JAK2: variants seen among roughly 807,000 people sequenced by gnomAD.
JAK2 encodes the protein tyrosine-protein kinase JAK2.
In JAK2, 86 loss-of-function variants were observed where a neutral mutation model predicts 139.3. The observed-to-expected ratio is 0.62, with a 90% CI of 0.52 to 0.74. The LOEUF (loss-of-function observed/expected upper bound fraction) is 0.74. JAK2 is among the 30% of genes least tolerant of loss of function. The pLI, the probability that JAK2 is intolerant of heterozygous loss-of-function variation, is 0.00. For missense variants in JAK2, 1,421 were observed against 1,360.3 expected, an observed-to-expected ratio of 1.04 and a Z score of -0.70; for synonymous variants, 490 against 437.7, an observed-to-expected ratio of 1.12 and a Z score of -1.49.
chr9:5,005,086 T>C (rs1272732370), intron 2 of JAK2, among the ~76,000 whole-genome samples: 1 of 13,004 alleles, frequency 7.7e-5, no homozygotes, highest in African/African-American at 4.0e-4. Context: ...CTGGCTAATT[T>C]TTTTTTTTTT....
At chr9:5,042,373 A>G (rs575039598) in intron 4 of JAK2, among the ~76,000 whole-genome samples, 302 of 150,852 alleles carry the variant, frequency 2.0e-3, no homozygotes, top group Non-Finnish European at 2.8e-3. Context: ...TCCTGACCTC[A>G]TGATCCACCC....
intron 22 of JAK2, chr9:5,111,907 G>C (rs916995456): frequency 2.8e-6 from 1 of 353,444 alleles, no homozygotes; most frequent in Admixed American, 3.6e-5. Context: ...CCTCGGGAAG[G>C]CCTGGCCTCA....
rs2130589653 is a variant in JAK2 at position 5,078,309 on chromosome 9, G to A, written c.1996G>A (p.Glu666Lys). The change falls in exon 16 of 25, where the codon GAA (glutamate) becomes AAA (lysine). Residue 666 changes from glutamate (E) to lysine (K), a missense_variant. Transcript: ENST00000381652. ...TATGTGCGTTTAACTCTAATAGGAA[G>A]AAAACACCCTTATTCATGGGAATGT... ...QLAWAMHFLE[E>K]NTLIHGNVCA... 1.2e-6 allele frequency: 2 copies of A among 1,611,116 alleles called. No individual in the cohort carries two copies. The highest frequency in any genetic ancestry group is 8.5e-7 in the Non-Finnish European group (1 of 1,178,050).
At chr9:5,050,654 A>G in intron 5 of JAK2, 32 bp from the exon 6 acceptor site, 1 of 1,590,460 alleles carries the variant, frequency 6.3e-7, no homozygotes, top group Non-Finnish European at 8.6e-7. Context: ...GAAACTTACG[A>G]TGAGATATTT....
chr9:5,004,624 T>C (rs1475119580), intron 2 of JAK2, among the ~76,000 whole-genome samples: 2 of 152,316 alleles, frequency 1.3e-5, no homozygotes, highest in South Asian at 4.1e-4. Flanking sequence ...CTTTGACATA[T>C]TATTTTTAGT....
chr9:5,043,130 C>T (rs1303018661), intron 4 of JAK2, among the ~76,000 whole-genome samples: 1 of 152,202 alleles, frequency 6.6e-6, no homozygotes, highest in East Asian at 1.9e-4. Flanking sequence ...GACCCAGCCC[C>T]GCAGGTGTAT....
intron 22 of JAK2, among the ~76,000 whole-genome samples, chr9:5,101,627 G>A (rs1333649460): frequency 6.6e-6 from 1 of 152,206 alleles, no homozygotes; most frequent in Non-Finnish European, 1.5e-5. Flanking sequence ...TCCCAGTAGA[G>A]GCCAACTGAC....
intron 22 of JAK2, among the ~76,000 whole-genome samples, chr9:5,119,435 A>C (rs1471594442): frequency 2.0e-5 from 3 of 152,174 alleles, no homozygotes; most frequent in Non-Finnish European, 2.9e-5. Context: ...AGCCTAAAAA[A>C]AAAAGGCTTC....
At chr9:5,044,301 A>G in intron 4 of JAK2, 102 bp from the exon 5 acceptor site, 1 of 721,714 alleles carries the variant, frequency 1.4e-6, no homozygotes, top group Admixed American at 2.4e-5. Context: ...TTTTCTAAGT[A>G]TGGGATAATA....
chr9:5,080,189 G>A, intron 16 of JAK2, 40 bp from the exon 17 acceptor site: 1 of 1,452,442 alleles, frequency 6.9e-7, no homozygotes. Context: ...TGGTTTACTT[G>A]TGAATTATTT....
intron 4 of JAK2, among the ~76,000 whole-genome samples, chr9:5,037,262 C>T (rs1463333074): frequency 6.6e-6 from 1 of 152,104 alleles, no homozygotes; most frequent in Admixed American, 6.5e-5. Context: ...GTTGGTGGGA[C>T]TGTAAACTAG....
chr9:5,006,056 T>C, intron 2 of JAK2, among the ~76,000 whole-genome samples: 1 of 152,196 alleles, frequency 6.6e-6, no homozygotes, highest in Non-Finnish European at 1.5e-5. Flanking sequence ...TTGATGGGGA[T>C]GGCATTGAAT....
intron 11 of JAK2, 49 bp from the exon 12 acceptor site, chr9:5,069,876 A>T: frequency 7.7e-7 from 1 of 1,296,120 alleles, no homozygotes; most frequent in Non-Finnish European, 1.1e-6. Context: ...GGAGCAATTC[A>T]TACTTTCAGT....
At chr9:5,013,401 T>C (rs1432764706) in intron 2 of JAK2, among the ~76,000 whole-genome samples, 2 of 152,230 alleles carry the variant, frequency 1.3e-5, no homozygotes, top group Non-Finnish European at 2.9e-5. Flanking sequence ...TATCTTGCAA[T>C]AGAATGCAAA....
intron 2 of JAK2, among the ~76,000 whole-genome samples, chr9:4,997,419 AT>A (rs1410816250): frequency 1.3e-5 from 2 of 152,168 alleles, no homozygotes; most frequent in East Asian, 3.8e-4. Context: ...GGAATATCAC[AT>A]TTCAAGAGCT....
At chr9:4,997,608 C>T (rs979037293) in intron 2 of JAK2, among the ~76,000 whole-genome samples, 3 of 152,150 alleles carry the variant, frequency 2.0e-5, no homozygotes, top group Admixed American at 2.0e-4. Flanking sequence ...GATTACAGTG[C>T]AACACATGAA....
intron 4 of JAK2, among the ~76,000 whole-genome samples, chr9:5,036,199 A>G (rs1823587123): frequency 6.6e-6 from 1 of 152,198 alleles, no homozygotes; most frequent in Non-Finnish European, 1.5e-5. Flanking sequence ...AAGGAGAACT[A>G]CAAACCACTG....
chr9:5,020,923 G>T (rs538718650), intron 2 of JAK2, among the ~76,000 whole-genome samples: 23 of 152,130 alleles, frequency 1.5e-4, no homozygotes, highest in Non-Finnish European at 2.8e-4. Context: ...CCGTGCTGTA[G>T]CTGCTTAGGA....
intron 2 of JAK2, among the ~76,000 whole-genome samples, chr9:5,019,782 G>GT (rs1444270242): frequency 6.6e-6 from 1 of 152,182 alleles, no homozygotes; most frequent in Non-Finnish European, 1.5e-5. Context: ...TGTAGTCTCT[G>GT]TAAGATTTTT....
Sources: gnomAD v4.1 joint callset for allele counts (sites outside exome capture counted in the v4.1 genomes callset) on GRCh38, gnomAD v4.1.1 for gene constraint, MANE v1.5 for transcripts, NCBI Gene and HGNC (gene_info 2026-07-23, HGNC 2026-07-21) for gene names.